The following LFNG variants were observed in gnomAD, a reference collection of about 807,000 sequenced individuals.
LFNG encodes LFNG O-fucosylpeptide 3-beta-N-acetylglucosaminyltransferase.
LFNG carries 15 observed loss-of-function variants against 32.7 expected under a neutral mutation model. The observed-to-expected ratio is 0.46, with a 90% CI of 0.31 to 0.71. The LOEUF (loss-of-function observed/expected upper bound fraction) is 0.71. Among genes scored for constraint, LFNG ranks in the 30% least tolerant of loss-of-function variants. LFNG has a pLI of 0.06. For synonymous variants in LFNG, 274 were observed against 246.8 expected, an observed-to-expected ratio of 1.11 and a Z score of -1.03; for missense variants, 520 against 545.7, an observed-to-expected ratio of 0.95 and a Z score of 0.47.
At chr7:2,524,791 G>A (rs1220696858) in intron 2 of LFNG, 48 bp downstream of exon 2, 5 of 1,505,684 alleles carry the variant, frequency 3.3e-6, no homozygotes, top group South Asian at 1.2e-5. Context: ...TCCATCCAGA[G>A]CCGAACGCTC....
chr7:2,526,241 C>T lies in LFNG; in HGVS notation c.822-3C>T, dbSNP rs1305010931. 3 of 1,612,728 alleles carry T rather than the reference C, an allele frequency of 1.9e-6. No individual in the cohort carries two copies. Among genetic ancestry groups the T allele is most frequent in the Non-Finnish European group, 2.5e-6 (3 of 1,179,966 alleles). ...CACTGGTCTGGGCCCTTCCCTCCCG[C>T]AGCGGGGGTCACTTCATGAATACGG... On this transcript the variant is annotated splice_polypyrimidine_tract_variant and splice_region_variant and intron_variant, in intron 5 of 7. Transcript: ENST00000222725. This position sits in a 1 kb window ranked among gnomAD's most constrained non-coding sequence, Gnocchi z 6.9.
chr7:2,515,296 C>T (rs374905666), upstream of LFNG, among the ~76,000 whole-genome samples: 129 of 142,774 alleles, frequency 9.0e-4, no homozygotes, highest in African/African-American at 3.6e-3. Context: ...CCATTCCCCC[C>T]ACCATCAGTT....
intron 1 of LFNG, among the ~76,000 whole-genome samples, chr7:2,522,360 G>A (rs986208984): frequency 3.3e-5 from 5 of 152,182 alleles, no homozygotes; most frequent in African/African-American, 9.7e-5. Context: ...CTGGGGGGAG[G>A]GTCGGTTGGT....
chr7:2,513,039 TC>T, upstream of LFNG: 1 of 936,390 alleles, frequency 1.1e-6, no homozygotes, highest in East Asian at 2.4e-5. Context: ...TTTCCAGAAG[TC>T]CCCTGCCTCC....
Position 2,520,397 on chromosome 7 carries a change from AGCCACTAGG to A in LFNG, c.432+109_432+117del, listed in dbSNP as rs1373697297. 2 of 1,079,212 alleles carry A rather than the reference AGCCACTAGG, an allele frequency of 1.9e-6. No homozygotes were observed. Among genetic ancestry groups the A allele is most frequent in the East Asian group, 3.0e-5 (1 of 33,510 alleles). The allele number at this position is 1,079,212 out of a possible 1,614,324, so 66.9% of individuals were successfully genotyped here. On this transcript the variant is annotated intron_variant, in intron 1 of 7. Coordinates refer to ENST00000222725, the MANE Select transcript of LFNG (RefSeq NM_001040167.2). The surrounding 1 kb of genome is among the most constrained non-coding windows in gnomAD (Gnocchi z 5.0). ...TGGGAGTCAGGCTGCATCCCCATCCAGCCACTAGGGCCATCTGTGGGCGACGCCAGTGCA... is the reference window on the plus strand; with the variant it reads ...TGGGAGTCAGGCTGCATCCCCATCCAGCCATCTGTGGGCGACGCCAGTGCA...
intron 4 of LFNG, 30 bp downstream of exon 4, chr7:2,525,597 G>A (rs758894762): frequency 1.1e-5 from 17 of 1,611,852 alleles, no homozygotes; most frequent in East Asian, 4.5e-5. Flanking sequence ...AGTCCCCCAC[G>A]CCCACGCGGA....
At position 2,520,118 on chromosome 7, in the gene LFNG, G is replaced by T; in HGVS notation, c.257G>T (p.Arg86Ile). The change falls in exon 1 of 8, where the codon AGA becomes ATA. Residue 86 changes from arginine (R) to isoleucine (I), a missense_variant. This residue lies in a region of LFNG where 360 missense variants were observed against 354.7 expected (regional missense o/e 1.01). Coordinates refer to ENST00000222725, the MANE Select transcript of LFNG (RefSeq NM_001040167.2). The surrounding 1 kb of genome is among the most constrained non-coding windows in gnomAD (Gnocchi z 5.0). ...TTCAGCCTGCTCACCCGCGCGCGCA[G>T]AGATGCGGGCCCGCCGCCCGGGGCT... The part of the protein sequence containing the change: ...EYFSLLTRAR[R>I]DAGPPPGAAP... 7.4e-7 allele frequency: 1 copy of T among 1,352,918 alleles called. No homozygotes were observed. The highest frequency in any genetic ancestry group is 9.6e-7 in the Non-Finnish European group (1 of 1,042,778). 83.8% of individuals were successfully genotyped at this position (1,352,918 alleles called of 1,614,324 possible).
chr7:2,525,118 G>C (rs1232267287), intron 2 of LFNG, 101 bp from the exon 3 acceptor site: 2 of 1,047,494 alleles, frequency 1.9e-6, no homozygotes, highest in Middle Eastern at 2.8e-4. Flanking sequence ...GCTTGAACTA[G>C]GGGGCTTTTC....
chr7:2,527,336 G>A lies in LFNG; in HGVS notation c.*124G>A. ...GGGCCGTGCCTGTGCGTGTGCGTGT[G>A]CGTGTGTGTGTGTGTGTACTGCATG... On this transcript the variant is annotated 3_prime_UTR_variant, in exon 8 of 8. Transcript: ENST00000222725. This position sits in a 1 kb window ranked among gnomAD's most constrained non-coding sequence, Gnocchi z 4.4. The A allele has an allele frequency of 1.3e-6, 2 of 1,528,428 alleles. No individual in the cohort carries two copies. The highest frequency in any genetic ancestry group is 1.7e-6 in the Non-Finnish European group (2 of 1,143,540). The allele number at this position is 1,528,428 out of a possible 1,614,324, so 94.7% of individuals were successfully genotyped here. A position where few individuals can be genotyped will look rare whatever the true frequency, so the allele number is the denominator to read the frequency against.
upstream of LFNG, chr7:2,518,464 G>C (rs376187462): frequency 3.2e-5 from 26 of 820,348 alleles, no homozygotes; most frequent in East Asian, 3.6e-4. Context: ...GTCCTTAGCG[G>C]GGGGAGAGGG....
chr7:2,514,559 C>T (rs549489620), upstream of LFNG, among the ~76,000 whole-genome samples: 374 of 152,064 alleles, frequency 2.5e-3, 2 homozygotes, highest in African/African-American at 8.6e-3. Flanking sequence ...TCTGTCCATC[C>T]ATCCATCCAT....
At chr7:2,512,585 G>A (rs1779520632) in exon 1 of LFNG, 1 of 1,404,428 alleles carries the variant, frequency 7.1e-7, no homozygotes, top group African/African-American at 1.4e-5. Context: ...GAGGACAGAG[G>A]CCAAGGCGGC....
At position 2,527,963 on chromosome 7, in the gene LFNG, C is replaced by T. The variant is rs977687608; in HGVS notation, c.*751C>T. The T allele has an allele frequency of 2.0e-5, 20 of 984,930 alleles. No homozygotes were observed. The highest frequency in any genetic ancestry group is 5.3e-5 in the African/African-American group (3 of 56,990). The allele number at this position is 984,930 out of a possible 1,614,324, so 61.0% of individuals were successfully genotyped here. A position where few individuals can be genotyped will look rare whatever the true frequency, so the allele number is the denominator to read the frequency against. On this transcript the variant is annotated 3_prime_UTR_variant, in exon 8 of 8. Transcript: ENST00000222725. The surrounding 1 kb of genome is among the most constrained non-coding windows in gnomAD (Gnocchi z 4.4). ...CTCCTCTCCAAAGTAGAGAGCAAGT[C>T]GCCCACAGTGGGCGTGTCTGTAAAT...
intron 1 of LFNG, among the ~76,000 whole-genome samples, chr7:2,521,773 C>T (rs1226972223): frequency 6.6e-6 from 1 of 152,210 alleles, no homozygotes; most frequent in Admixed American, 6.5e-5. Context: ...TGAGCAAGAC[C>T]TGGGGCCTCT....
At position 2,525,312 on chromosome 7, in the gene LFNG, G is replaced by T. The variant is rs1442573749; in HGVS notation, c.575G>T (p.Gly192Val). Reference sequence around the variant, plus strand: ...GAGTATGACCGCTTCATCGAGTCCGGCAGGAAGTGAGTGTGGCCCCGGGGG... The same window carrying T: ...GAGTATGACCGCTTCATCGAGTCCGTCAGGAAGTGAGTGTGGCCCCGGGGG... ...AVEYDRFIESGRKWFCHVDDD... is the reference protein window; with the variant it reads ...AVEYDRFIESVRKWFCHVDDD... Residue 192 changes from glycine (G) to valine (V), a missense_variant, in exon 3 of 8, where the codon GGC becomes GTC. Gly to Val is a moderately radical substitution (Grantham distance 109, BLOSUM62 -3). Transcript: ENST00000222725. 1 of 1,612,928 alleles carries T rather than the reference G, an allele frequency of 6.2e-7. No individual in the cohort carries two copies. The highest frequency in any genetic ancestry group is 1.7e-5 in the Admixed American group (1 of 60,018).
Position 2,520,356 on chromosome 7 carries a change from T to C in LFNG, c.432+63T>C. ...GCGGGGACCCACCATCTGGTCCAGC[T>C]GGTGGCAGTGTCCCATGGGAGTCAG... On this transcript the variant is annotated intron_variant, in intron 1 of 7. Coordinates refer to ENST00000222725, the MANE Select transcript of LFNG (RefSeq NM_001040167.2). The surrounding 1 kb of genome is among the most constrained non-coding windows in gnomAD (Gnocchi z 5.0). 6.9e-7 allele frequency: 1 copy of C among 1,444,900 alleles called. No individual in the cohort carries two copies. The highest frequency in any genetic ancestry group is 1.2e-5 in the South Asian group (1 of 83,652). The allele number at this position is 1,444,900 out of a possible 1,614,324, so 89.5% of individuals were successfully genotyped here.
At chr7:2,525,852 C>A in intron 5 of LFNG, 82 bp downstream of exon 5, 2 of 1,217,048 alleles carry the variant, frequency 1.6e-6, no homozygotes, top group Non-Finnish European at 2.4e-6. Context: ...TCTTCCCAGC[C>A]ATGGGGTGTC....
At chr7:2,518,108 G>C (rs534994591), upstream of LFNG, among the ~76,000 whole-genome samples, 2 of 152,172 alleles carry the variant, frequency 1.3e-5, no homozygotes, top group Admixed American at 6.5e-5. Context: ...CCCTCAGTCC[G>C]GAGGCTGGGG....
chr7:2,528,905 C>T (rs1316378388), downstream of LFNG: 2 of 534,918 alleles, frequency 3.7e-6, no homozygotes, highest in Non-Finnish European at 6.9e-6. Context: ...GCAGCTGATG[C>T]CCAAGGTCCA....
Sources: gnomAD v4.1 joint callset for allele counts (sites outside exome capture counted in the v4.1 genomes callset) on GRCh38, gnomAD v4.1.1 for gene constraint, gnomAD v4.1.1 regional missense constraint, Gnocchi (gnomAD v3.1) non-coding constraint, MANE v1.5 for transcripts, NCBI Gene and HGNC (gene_info 2026-07-23, HGNC 2026-07-21) for gene names.